Variants in ANO1 observed in about 807,000 individuals in gnomAD.
ANO1 encodes anoctamin-1.
ANO1 carries 59 observed loss-of-function variants against 124.0 expected under a neutral mutation model. The ratio of observed to expected loss-of-function variants is 0.48; its 90% CI spans 0.39 to 0.59. ANO1 has a LOEUF of 0.59. ANO1 is among the 20% of genes least tolerant of loss of function. ANO1 has a pLI of 0.00. For missense variants in ANO1, 1,059 were observed against 1,328.0 expected, an observed-to-expected ratio of 0.80 and a Z score of 3.15; for synonymous variants, 529 against 532.0, an observed-to-expected ratio of 0.99 and a Z score of 0.08.
intron 1 of ANO1, among the ~76,000 whole-genome samples, chr11:70,010,134 G>GGTGT (rs34598701): frequency 0.072 from 5,862 of 81,572 alleles, 410 homozygotes; most frequent in Admixed American, 0.17. Flanking sequence ...AGTATTCCAT[G>GGTGT]GTGTGTGTGT....
chr11:70,042,513 C>CAGAGAG (rs140488432), intron 1 of ANO1, among the ~76,000 whole-genome samples: 9 of 148,526 alleles, frequency 6.1e-5, no homozygotes, highest in African/African-American at 2.0e-4. Flanking sequence ...TACATATACA[C>CAGAGAG]AGAGAGAGAG....
intron 11 of ANO1, among the ~76,000 whole-genome samples, chr11:70,134,986 C>A (rs1007352735): frequency 6.6e-6 from 1 of 152,168 alleles, no homozygotes; most frequent in Non-Finnish European, 1.5e-5. Flanking sequence ...CCAGTGCCAT[C>A]AGCTGCTGTG....
chr11:70,177,741 AGGCGCCC>A, intron 22 of ANO1, among the ~76,000 whole-genome samples: 1 of 151,014 alleles, frequency 6.6e-6, no homozygotes, highest in Non-Finnish European at 1.5e-5. Context: ...CTGGGATTAC[AGGCGCCC>A]GCCACCACAC....
chr11:70,115,100 G>A (rs552699559), intron 7 of ANO1, among the ~76,000 whole-genome samples: 12 of 152,236 alleles, frequency 7.9e-5, no homozygotes, highest in Non-Finnish European at 1.8e-4. Context: ...GCTTGGGTGG[G>A]TGAGGATCCC....
intron 1 of ANO1, among the ~76,000 whole-genome samples, chr11:70,010,947 C>T (rs1259260509): frequency 6.6e-6 from 1 of 152,244 alleles, no homozygotes; most frequent in Non-Finnish European, 1.5e-5. Flanking sequence ...GGGGCAGGGA[C>T]TGCCTGTCTC....
chr11:70,023,528 T>C (rs1288051982), intron 1 of ANO1, among the ~76,000 whole-genome samples: 1 of 152,168 alleles, frequency 6.6e-6, no homozygotes, highest in Non-Finnish European at 1.5e-5. Flanking sequence ...GCACTTTCTT[T>C]ACTTCTAGGG....
chr11:70,027,768 C>T (rs1007069219), intron 1 of ANO1, among the ~76,000 whole-genome samples: 1 of 152,168 alleles, frequency 6.6e-6, no homozygotes, highest in Admixed American at 6.5e-5. Context: ...TGACAGTGAG[C>T]TTCCTAGGGG....
upstream of ANO1, chr11:69,985,888 G>C (rs1856030287): frequency 6.6e-6 from 1 of 152,410 alleles, no homozygotes; most frequent in South Asian, 2.1e-4. Flanking sequence ...AAAAGCCGAG[G>C]GGGAGGAGCG....
chr11:70,019,895 A>C (rs1555002464), intron 1 of ANO1, among the ~76,000 whole-genome samples: 1 of 152,158 alleles, frequency 6.6e-6, no homozygotes, highest in Non-Finnish European at 1.5e-5. Flanking sequence ...TCCTGGCTTC[A>C]CCGGCCCAGC....
At chr11:70,004,624 A>G (rs1258262381) in intron 1 of ANO1, among the ~76,000 whole-genome samples, 1 of 152,252 alleles carries the variant, frequency 6.6e-6, no homozygotes. Context: ...GCTTGCAGCC[A>G]CAGGCTTCTC....
chr11:70,091,302 A>G (rs1344161776), intron 2 of ANO1, among the ~76,000 whole-genome samples: 1 of 152,174 alleles, frequency 6.6e-6, no homozygotes, highest in Non-Finnish European at 1.5e-5. Context: ...ACTGGAAGCA[A>G]AATTCAGGGC....
At chr11:70,070,746 A>G (rs1164765650) in intron 1 of ANO1, among the ~76,000 whole-genome samples, 2 of 152,216 alleles carry the variant, frequency 1.3e-5, no homozygotes, top group Non-Finnish European at 2.9e-5. Flanking sequence ...TGGGCGAGTG[A>G]GCAGGTGGAT....
At chr11:69,980,627 A>C in the ANO1 span, among the ~76,000 whole-genome samples, 3 of 152,086 alleles carry the variant, frequency 2.0e-5, no homozygotes, top group Admixed American at 2.0e-4. Context: ...TCAAAAAAAA[A>C]ACAAAAAACT....
chr11:70,165,594 A>C (rs1209419341), intron 20 of ANO1, 24 bp downstream of exon 20: 2 of 1,594,282 alleles, frequency 1.3e-6, no homozygotes, highest in Admixed American at 3.4e-5. Flanking sequence ...AGCGGGTTAG[A>C]GCGGCAGGGG....
At chr11:70,110,527 C>T (rs2045732339) in intron 6 of ANO1, among the ~76,000 whole-genome samples, 1 of 152,170 alleles carries the variant, frequency 6.6e-6, no homozygotes, top group Non-Finnish European at 1.5e-5. Context: ...TTCACTCACA[C>T]ATGTGGCTTA....
rs988279745 is a variant in ANO1, at chr11:70,111,850, C to T, written c.855+88C>T. 35 of 1,324,330 alleles carry T rather than the reference C, an allele frequency of 2.6e-5. No homozygotes were observed. In the African/African-American group the frequency reaches 4.8e-4, roughly 18 times the overall value. 82.0% of individuals were successfully genotyped at this position (1,324,330 alleles called of 1,614,324 possible). On this transcript the variant is annotated intron_variant, in intron 7 of 25. Coordinates refer to ENST00000355303, the MANE Select transcript of ANO1 (RefSeq NM_018043.7). Reference sequence around the variant, plus strand: ...ACACCCCCCCGGGAGCTGCAATTATCCTGTGGTCACAGCTTCCTGCTTGGC... The same window carrying T: ...ACACCCCCCCGGGAGCTGCAATTATTCTGTGGTCACAGCTTCCTGCTTGGC...
At chr11:70,175,351 G>A (rs997195087) in intron 22 of ANO1, among the ~76,000 whole-genome samples, 6 of 152,244 alleles carry the variant, frequency 3.9e-5, no homozygotes, top group Non-Finnish European at 8.8e-5. Context: ...TTCCTTAACC[G>A]TAACCTTTCC....
chr11:70,047,046 T>G (rs1456474746), intron 1 of ANO1, among the ~76,000 whole-genome samples: 1 of 146,420 alleles, frequency 6.8e-6, no homozygotes, highest in African/African-American at 2.6e-5. Context: ...CGCCATTGTA[T>G]TCCAGCCTGG....
chr11:70,128,175 C>T (rs2135504852), intron 10 of ANO1, among the ~76,000 whole-genome samples: 1 of 151,346 alleles, frequency 6.6e-6, no homozygotes, highest in South Asian at 2.1e-4. Flanking sequence ...ACCCCCACCC[C>T]CGAATCAAAG....
Sources: allele counts gnomAD v4.1 joint callset (sites outside exome capture counted in the v4.1 genomes callset), GRCh38; gene constraint gnomAD v4.1.1; transcripts MANE v1.5; gene names NCBI Gene and HGNC (gene_info 2026-07-23, HGNC 2026-07-21).